The following DDHD1 variants were observed in gnomAD, a reference collection of about 807,000 sequenced individuals.
DDHD1 encodes the protein phospholipase DDHD1.
In DDHD1, 49 loss-of-function variants were observed where a neutral mutation model predicts 96.4. The observed-to-expected ratio is 0.51, with a 90% CI of 0.40 to 0.64. The LOEUF (loss-of-function observed/expected upper bound fraction) is 0.64. Ranked by LOEUF, DDHD1 falls within the 30% of genes least tolerant of loss-of-function variation. The probability of loss-of-function intolerance (pLI) is 0.00; values close to 1 mark genes in which losing one functional copy is unlikely to be tolerated. For synonymous variants in DDHD1, 442 were observed against 446.5 expected (o/e 0.99, Z 0.13); for missense variants, 1,106 against 1,161.2 (o/e 0.95, Z 0.69).
In DDHD1 at chr14:53,041,382, A is replaced by G. The variant is rs1272506680; in HGVS notation, c.*5386T>C. ...CCAATGGACTATTTTTGGGGAATGC[A>G]CATACATACACACACACACCAAAAA... On this transcript the variant is annotated 3_prime_UTR_variant, in exon 13 of 13. Transcript: ENST00000673822. The G allele has an allele frequency of 6.6e-6, 1 of 152,200 alleles. No homozygotes were observed. The highest frequency in any genetic ancestry group is 1.5e-5 in the Non-Finnish European group (1 of 68,040). The allele number at this position is 152,200 out of a possible 1,614,324, so 9.4% of individuals were successfully genotyped here.
chr14:53,040,679 CAG>C lies in DDHD1; in HGVS notation c.*6087_*6088del, dbSNP rs1231102621. 6 of 152,040 alleles carry C rather than the reference CAG, an allele frequency of 3.9e-5. No individual in the cohort carries two copies. Among genetic ancestry groups the C allele is most frequent in the African/African-American group, 1.2e-4 (5 of 41,384 alleles). 9.4% of individuals were successfully genotyped at this position (152,040 alleles called of 1,614,324 possible). ...CAAACTGATCACTGCAGAGAGAAAA[CAG>C]AAATAATGCATGCTTCAGTAAAACT... On this transcript the variant is annotated 3_prime_UTR_variant, in exon 13 of 13. Coordinates refer to ENST00000673822, the MANE Select transcript of DDHD1 (RefSeq NM_001160148.2).
Position 53,041,668 on chromosome 14 carries a change from T to C in DDHD1, c.*5100A>G, listed in dbSNP as rs1881661027. 6.6e-6 allele frequency: 1 copy of C among 152,222 alleles called. No homozygotes were observed. Among genetic ancestry groups the C allele is most frequent in the African/African-American group, 2.4e-5 (1 of 41,468 alleles). 9.4% of individuals were successfully genotyped at this position (152,222 alleles called of 1,614,324 possible). A position where few individuals can be genotyped will look rare whatever the true frequency, so the allele number is the denominator to read the frequency against. ...ATTTCCTGGATATCTTATTTTTTTC[T>C]TGATTTTCTTTTTGTTGTTTTGTAT... On this transcript the variant is annotated 3_prime_UTR_variant, in exon 13 of 13. Coordinates refer to ENST00000673822, the MANE Select transcript of DDHD1 (RefSeq NM_001160148.2).
At chr14:53,051,309 T>C (rs1882543577) in intron 12 of DDHD1, among the ~76,000 whole-genome samples, 1 of 151,924 alleles carries the variant, frequency 6.6e-6, no homozygotes, top group Non-Finnish European at 1.5e-5. Context: ...TACTGAAAAT[T>C]AAGAGATTAA....
intron 1 of DDHD1, among the ~76,000 whole-genome samples, chr14:53,133,729 AC>A (rs1356416236): frequency 6.6e-6 from 1 of 152,054 alleles, no homozygotes; most frequent in African/African-American, 2.4e-5. Context: ...CCTCTAGGTG[AC>A]TATCTTCCAG....
At chr14:53,085,203 T>A (rs1367666335) in intron 4 of DDHD1, among the ~76,000 whole-genome samples, 2 of 152,180 alleles carry the variant, frequency 1.3e-5, no homozygotes, top group African/African-American at 4.8e-5. Flanking sequence ...AGGGCATAGC[T>A]GAACAAAAGG....
intron 12 of DDHD1, among the ~76,000 whole-genome samples, chr14:53,049,299 G>A (rs1270111491): frequency 6.6e-6 from 1 of 152,160 alleles, no homozygotes; most frequent in East Asian, 1.9e-4. Flanking sequence ...AAGCTAGCTT[G>A]TACTTGATGA....
At chr14:53,124,767 T>C (rs1228542913) in intron 1 of DDHD1, among the ~76,000 whole-genome samples, 1 of 152,242 alleles carries the variant, frequency 6.6e-6, no homozygotes, top group Non-Finnish European at 1.5e-5. Flanking sequence ...AAAAGATTTA[T>C]TGTCTCTGTA....
intron 1 of DDHD1, among the ~76,000 whole-genome samples, chr14:53,147,688 G>A (rs982805812): frequency 1.3e-5 from 2 of 152,154 alleles, no homozygotes; most frequent in African/African-American, 4.8e-5. Context: ...TGGGGCCTTG[G>A]TACTGTAAAC....
At chr14:53,047,896 T>C (rs1239734820) in intron 12 of DDHD1, among the ~76,000 whole-genome samples, 2 of 152,182 alleles carry the variant, frequency 1.3e-5, no homozygotes, top group African/African-American at 4.8e-5. Context: ...GAAGGGTCTA[T>C]GTTACAAACA....
intron 1 of DDHD1, among the ~76,000 whole-genome samples, chr14:53,148,316 C>CT (rs1311738888): frequency 0.046 from 6,701 of 145,676 alleles, 306 homozygotes; most frequent in African/African-American, 0.12. Flanking sequence ...TTGAATTATT[C>CT]TTTTTTTTTT....
intron 1 of DDHD1, among the ~76,000 whole-genome samples, chr14:53,117,693 A>C (rs543560537): frequency 4.4e-4 from 67 of 152,332 alleles, no homozygotes; most frequent in African/African-American, 1.5e-3. Flanking sequence ...AGCAAGGCCT[A>C]CTGCCTCTAT....
At chr14:53,077,893 T>C (rs887683624) in intron 4 of DDHD1, among the ~76,000 whole-genome samples, 1 of 152,146 alleles carries the variant, frequency 6.6e-6, no homozygotes, top group African/African-American at 2.4e-5. Context: ...ATGGGGCCTT[T>C]TGTGTCTGGC....
intron 8 of DDHD1, among the ~76,000 whole-genome samples, chr14:53,060,268 G>A (rs1328075357): frequency 6.6e-6 from 1 of 152,188 alleles, no homozygotes; most frequent in Non-Finnish European, 1.5e-5. Flanking sequence ...TATAGGGTAT[G>A]TCCTTTCCAA....
At chr14:53,062,857 ATCATGAAAT>A in intron 7 of DDHD1, 77 bp downstream of exon 7, 1 of 1,367,596 alleles carries the variant, frequency 7.3e-7, no homozygotes. Context: ...TTATTTCTTT[ATCATGAAAT>A]TCTTAGTTTT....
intron 2 of DDHD1, among the ~76,000 whole-genome samples, chr14:53,094,640 T>G (rs1161574724): frequency 6.7e-6 from 1 of 150,066 alleles, no homozygotes; most frequent in Non-Finnish European, 1.5e-5. Context: ...AGGAGTTTGA[T>G]AGCAGCCTGG....
intron 1 of DDHD1, among the ~76,000 whole-genome samples, chr14:53,129,586 C>T (rs1403638906): frequency 2.6e-5 from 4 of 152,170 alleles, no homozygotes; most frequent in South Asian, 2.1e-4. Flanking sequence ...TGAACCTTCA[C>T]GTTGGTGGCA....
intron 8 of DDHD1, among the ~76,000 whole-genome samples, chr14:53,059,215 G>A (rs775846109): frequency 2.0e-5 from 3 of 152,048 alleles, no homozygotes; most frequent in Non-Finnish European, 4.4e-5. Flanking sequence ...TAAAGCCAAG[G>A]TGGGAAATAA....
intron 6 of DDHD1, among the ~76,000 whole-genome samples, chr14:53,071,333 A>G (rs1884488686): frequency 6.6e-6 from 1 of 152,120 alleles, no homozygotes; most frequent in Non-Finnish European, 1.5e-5. Flanking sequence ...AAGTACTATA[A>G]CAATAAGTGT....
chr14:53,104,519 T>C (rs892387645), intron 1 of DDHD1, among the ~76,000 whole-genome samples: 8 of 152,188 alleles, frequency 5.3e-5, no homozygotes, highest in East Asian at 1.9e-4. Flanking sequence ...TGTGTGGTAG[T>C]AGTGTGTGGC....
Sources: allele counts gnomAD v4.1 joint callset (sites outside exome capture counted in the v4.1 genomes callset), GRCh38; gene constraint gnomAD v4.1.1; transcripts MANE v1.5; gene names NCBI Gene and HGNC (gene_info 2026-07-23, HGNC 2026-07-21).